Variants in SLC39A11 observed in about 807,000 individuals in gnomAD.
SLC39A11 encodes solute carrier family 39 member 11, also known as zinc transporter ZIP11.
SLC39A11 carries 33 observed loss-of-function variants against 36.1 expected under a neutral mutation model. The ratio of observed to expected loss-of-function variants is 0.91; its 90% CI spans 0.69 to 1.22. SLC39A11 has a LOEUF of 1.22. Among genes scored for constraint, SLC39A11 ranks in the 50% most tolerant of loss-of-function variants. The pLI is 0.00. For missense variants in SLC39A11, 432 were observed against 430.3 expected, an observed-to-expected ratio of 1.00 and a Z score of -0.03; for synonymous variants, 166 against 170.3, an observed-to-expected ratio of 0.97 and a Z score of 0.20.
chr17:72,898,935 G>C (rs1459693949), intron 5 of SLC39A11, among the ~76,000 whole-genome samples: 1 of 152,088 alleles, frequency 6.6e-6, no homozygotes, highest in Non-Finnish European at 1.5e-5. Flanking sequence ...GACCCTTCGG[G>C]GACTATGCAA....
At chr17:73,046,283 T>C (rs2059287950) in intron 3 of SLC39A11, among the ~76,000 whole-genome samples, 1 of 152,168 alleles carries the variant, frequency 6.6e-6, no homozygotes. Context: ...GTATTACATT[T>C]CATTCCACCA....
chr17:72,962,797 A>C (rs1044736975), intron 4 of SLC39A11, among the ~76,000 whole-genome samples: 6 of 152,152 alleles, frequency 3.9e-5, no homozygotes, highest in African/African-American at 1.4e-4. Flanking sequence ...TCAGCCTCCC[A>C]AAGTGCTGGG....
intron 7 of SLC39A11, among the ~76,000 whole-genome samples, chr17:72,660,202 TG>T (rs1418157862): frequency 1.3e-5 from 2 of 152,194 alleles, no homozygotes; most frequent in African/African-American, 2.4e-5. Context: ...TGCACAGCAC[TG>T]GAGACCCCAC....
chr17:72,746,692 C>T (rs887599732), intron 6 of SLC39A11, among the ~76,000 whole-genome samples: 3 of 151,986 alleles, frequency 2.0e-5, no homozygotes, highest in East Asian at 1.9e-4. Flanking sequence ...GAGCTGAGAT[C>T]ACACCACTGC....
chr17:72,894,033 C>T (rs1219392627), intron 5 of SLC39A11, among the ~76,000 whole-genome samples: 3 of 151,992 alleles, frequency 2.0e-5, no homozygotes, highest in Non-Finnish European at 4.4e-5. Context: ...TGATAAAGTT[C>T]AATGCAAAAT....
intron 7 of SLC39A11, among the ~76,000 whole-genome samples, chr17:72,667,506 A>T (rs969064991): frequency 6.6e-6 from 1 of 152,220 alleles, no homozygotes; most frequent in Non-Finnish European, 1.5e-5. Flanking sequence ...TTGGCTTCCC[A>T]GTATGGATGG....
At chr17:72,693,058 T>C (rs2072106541) in intron 7 of SLC39A11, among the ~76,000 whole-genome samples, 2 of 152,220 alleles carry the variant, frequency 1.3e-5, no homozygotes, top group South Asian at 4.1e-4. Flanking sequence ...TATCTTCTTA[T>C]AAACCAAACA....
intron 6 of SLC39A11, among the ~76,000 whole-genome samples, chr17:72,815,269 A>G (rs2145453120): frequency 6.6e-6 from 1 of 152,334 alleles, no homozygotes; most frequent in Non-Finnish European, 1.5e-5. Context: ...GAAGACATTG[A>G]TATGAGAAAA....
At chr17:72,924,663 C>T (rs1335737173) in intron 5 of SLC39A11, among the ~76,000 whole-genome samples, 1 of 151,954 alleles carries the variant, frequency 6.6e-6, no homozygotes, top group East Asian at 1.9e-4. Context: ...CAGGTGTGTC[C>T]GAACAGGATG....
At chr17:72,779,805 C>A (rs2076250160) in intron 6 of SLC39A11, among the ~76,000 whole-genome samples, 1 of 152,216 alleles carries the variant, frequency 6.6e-6, no homozygotes, top group Non-Finnish European at 1.5e-5. Context: ...CCACAACTGC[C>A]TTTAGACTGG....
At chr17:72,731,069 C>T (rs529543665) in intron 7 of SLC39A11, among the ~76,000 whole-genome samples, 3 of 152,102 alleles carry the variant, frequency 2.0e-5, no homozygotes, top group East Asian at 1.9e-4. Flanking sequence ...CATTTCTTTA[C>T]GTATTATTTA....
chr17:72,947,550 T>G (rs776135517), intron 5 of SLC39A11: 5 of 725,172 alleles, frequency 6.9e-6, no homozygotes, highest in Non-Finnish European at 9.2e-6. Context: ...AAGCATGTGG[T>G]TTGGACAACA....
chr17:72,771,582 T>G (rs2567538), intron 6 of SLC39A11, among the ~76,000 whole-genome samples: 7,148 of 152,024 alleles, frequency 0.047, 559 homozygotes, highest in African/African-American at 0.16. Context: ...TAAAGTTTCC[T>G]GGGGCCATCT....
intron 4 of SLC39A11, among the ~76,000 whole-genome samples, chr17:72,986,556 G>C (rs113127877): frequency 1.3e-5 from 2 of 152,200 alleles, no homozygotes; most frequent in Admixed American, 1.3e-4. Context: ...TCCACCCCCA[G>C]CTAGCCCGAG....
At chr17:72,674,270 C>G (rs4793473) in intron 7 of SLC39A11, among the ~76,000 whole-genome samples, 1 of 151,872 alleles carries the variant, frequency 6.6e-6, no homozygotes, top group East Asian at 1.9e-4. Flanking sequence ...TATCTCCTTC[C>G]TTTTTACATC....
chr17:72,671,421 C>G (rs904784243), intron 7 of SLC39A11, among the ~76,000 whole-genome samples: 1 of 152,146 alleles, frequency 6.6e-6, no homozygotes, highest in African/African-American at 2.4e-5. Context: ...ACCACACATA[C>G]AAAAATAGCT....
chr17:72,900,140 AAAAGAAAGAAAGAAAAG>A lies in SLC39A11; in HGVS notation c.430+47595_430+47611del, dbSNP rs1567912048. 1.8e-3 allele frequency among the ~76,000 whole-genome samples: 80 copies of A among 43,902 alleles called. 15 individuals are homozygous for A. The highest frequency in any genetic ancestry group is 2.7e-3 in the Non-Finnish European group (64 of 23,974). 28.8% of individuals were successfully genotyped at this position (43,902 alleles called of 152,430 possible). A position where few individuals can be genotyped will look rare whatever the true frequency, so the allele number is the denominator to read the frequency against. ...AAGAAAGAAAAGAAAGAAAGAAAGA[AAAAGAAAGAAAGAAAAG>A]AAAGAAAGAAAGAAAGAAAGAAAGA... is the stretch of plus-strand genomic sequence containing the variant. On this transcript the variant is annotated intron_variant, in intron 5 of 9. Transcript: ENST00000255559.
At chr17:72,699,050 C>T (rs1044843448) in intron 7 of SLC39A11, among the ~76,000 whole-genome samples, 9 of 152,188 alleles carry the variant, frequency 5.9e-5, no homozygotes, top group East Asian at 1.9e-4. Context: ...AGGATGGTCT[C>T]GATCTCCTGA....
chr17:72,802,601 A>G lies in SLC39A11; in HGVS notation c.601+47033T>C, dbSNP rs577411461. 4.4e-3 allele frequency among the ~76,000 whole-genome samples: 667 copies of G among 150,986 alleles called. 3 individuals are homozygous for G. The highest frequency in any genetic ancestry group is 7.2e-3 in the Non-Finnish European group (488 of 67,894). ...GTGAAACTCCATCTCAAAAAAAAAA[A>G]AAAAGAAAAGAAAAGAAAAGAAAAT... On this transcript the variant is annotated intron_variant, in intron 6 of 9. Transcript: ENST00000255559.
Sources: gnomAD v4.1 joint callset for allele counts (sites outside exome capture counted in the v4.1 genomes callset) on GRCh38, gnomAD v4.1.1 for gene constraint, MANE v1.5 for transcripts, NCBI Gene and HGNC (gene_info 2026-07-23, HGNC 2026-07-21) for gene names.